Variants in ZBBX observed in about 807,000 individuals in gnomAD.
ZBBX encodes zinc finger B-box domain containing.
In ZBBX, 101 loss-of-function variants were observed where a neutral mutation model predicts 108.5. The observed-to-expected ratio is 0.93, with a 90% CI of 0.79 to 1.10. The LOEUF (loss-of-function observed/expected upper bound fraction) is 1.10, where lower values mean the gene tolerates loss of function less well. Among genes scored for constraint, ZBBX ranks in the 50% least tolerant of loss-of-function variants. The pLI is 0.00. For synonymous variants in ZBBX, 356 were observed against 323.4 expected (o/e 1.10, Z -1.08); for missense variants, 1,009 against 941.4 (o/e 1.07, Z -0.94).
At chr3:167,358,767 T>C (rs1744017287) in intron 8 of ZBBX, among the ~76,000 whole-genome samples, 1 of 151,478 alleles carries the variant, frequency 6.6e-6, no homozygotes, top group African/African-American at 2.4e-5. Context: ...AAACCCCATT[T>C]CTACTAAAAA....
chr3:167,237,923 C>T (rs906407056), downstream of ZBBX, among the ~76,000 whole-genome samples: 1 of 151,852 alleles, frequency 6.6e-6, no homozygotes, highest in Non-Finnish European at 1.5e-5. Flanking sequence ...TGGCTGAATA[C>T]ACAAGAGAAA....
the ZBBX span, among the ~76,000 whole-genome samples, chr3:167,219,517 T>C: frequency 2.0e-5 from 3 of 151,904 alleles, no homozygotes; most frequent in Non-Finnish European, 4.4e-5. Flanking sequence ...AAATGATATG[T>C]TCCTTAATTA....
intron 20 of ZBBX, among the ~76,000 whole-genome samples, chr3:167,261,973 G>A (rs1164631642): frequency 2.6e-5 from 4 of 152,118 alleles, no homozygotes; most frequent in African/African-American, 9.7e-5. Flanking sequence ...GATCCCTGTG[G>A]TGCAGGCAGG....
intron 20 of ZBBX, among the ~76,000 whole-genome samples, chr3:167,265,220 T>A (rs1294218528): frequency 6.6e-6 from 1 of 152,122 alleles, no homozygotes; most frequent in Non-Finnish European, 1.5e-5. Context: ...CATCTTAGAG[T>A]CCAAGGCCTG....
At position 167,328,086 on chromosome 3, in the gene ZBBX, G is replaced by GT. The variant is rs1560131786; in HGVS notation, c.717dup (p.Arg240ThrfsTer11). ...AACAGACTCTTTCTTGGTTTTGTAC[G>GT]TTGTGCTCTTTTCATCGTTGTAATT... On this transcript the variant is annotated frameshift_variant, in exon 11 of 22. Coordinates refer to ENST00000675490, the MANE Select transcript of ZBBX (RefSeq NM_001199201.2). LOFTEE classifies it high-confidence loss of function. The GT allele has an allele frequency of 6.2e-7, 1 of 1,613,048 alleles. No homozygotes were observed.
At chr3:167,213,919 T>G in the ZBBX span, among the ~76,000 whole-genome samples, 2 of 152,118 alleles carry the variant, frequency 1.3e-5, no homozygotes, top group Non-Finnish European at 2.9e-5. Context: ...CCAAGAATCT[T>G]ATATCCAGCC....
intron 1 of ZBBX, among the ~76,000 whole-genome samples, chr3:167,405,216 G>C (rs762390496): frequency 5.9e-5 from 9 of 152,168 alleles, no homozygotes; most frequent in Non-Finnish European, 1.0e-4. Context: ...CATCAGGAAA[G>C]AGGTCAGGTT....
chr3:167,343,469 A>G (rs1389149164), intron 9 of ZBBX, among the ~76,000 whole-genome samples: 1 of 151,756 alleles, frequency 6.6e-6, no homozygotes, highest in Non-Finnish European at 1.5e-5. Flanking sequence ...CCCCTTCCCT[A>G]GCTTTTCTTA....
intron 17 of ZBBX, among the ~76,000 whole-genome samples, chr3:167,303,741 A>G (rs1733117612): frequency 6.6e-6 from 1 of 152,220 alleles, no homozygotes. Context: ...GTTGCTGTGC[A>G]TGAGAATTTA....
At chr3:167,326,991 T>C (rs1577007321) in intron 11 of ZBBX, among the ~76,000 whole-genome samples, 1 of 151,900 alleles carries the variant, frequency 6.6e-6, no homozygotes, top group South Asian at 2.1e-4. Flanking sequence ...TGAAAAGCAA[T>C]TGGAAGACAC....
intron 1 of ZBBX, among the ~76,000 whole-genome samples, chr3:167,398,961 T>A (rs1385941301): frequency 1.3e-5 from 2 of 151,668 alleles, no homozygotes; most frequent in Non-Finnish European, 2.9e-5. Context: ...AACTGGTGGC[T>A]TTATAAGAAG....
At chr3:167,294,882 G>T (rs1230625787) in intron 18 of ZBBX, among the ~76,000 whole-genome samples, 1 of 152,036 alleles carries the variant, frequency 6.6e-6, no homozygotes, top group Non-Finnish European at 1.5e-5. Flanking sequence ...GTAGGCAAAG[G>T]ATATGACAGA....
intron 1 of ZBBX, chr3:167,392,660 A>C (rs572428171): frequency 6.6e-6 from 1 of 151,972 alleles, no homozygotes; most frequent in East Asian, 1.9e-4. Flanking sequence ...AAGGAGCTAG[A>C]GATATGGTCT....
intron 20 of ZBBX, among the ~76,000 whole-genome samples, chr3:167,265,235 G>A (rs1209344768): frequency 1.3e-5 from 2 of 152,184 alleles, no homozygotes; most frequent in Non-Finnish European, 2.9e-5. Flanking sequence ...GGCCTGTGGT[G>A]TACTCCCTTG....
At chr3:167,226,978 T>C in the ZBBX span, among the ~76,000 whole-genome samples, 2 of 151,784 alleles carry the variant, frequency 1.3e-5, no homozygotes, top group Non-Finnish European at 2.9e-5. Context: ...CAGGCAACAA[T>C]GGATATATGA....
At chr3:167,204,068 G>A in the ZBBX span, among the ~76,000 whole-genome samples, 4 of 152,122 alleles carry the variant, frequency 2.6e-5, no homozygotes, top group South Asian at 8.3e-4. Flanking sequence ...TTAGTTCAAG[G>A]AATTCAATTT....
chr3:167,230,665 G>A, the ZBBX span, among the ~76,000 whole-genome samples: 3 of 151,782 alleles, frequency 2.0e-5, no homozygotes. Context: ...GCAGGCAATG[G>A]TGCTCACAGC....
At chr3:167,251,684 A>C (rs1009191829) in intron 20 of ZBBX, among the ~76,000 whole-genome samples, 1 of 152,066 alleles carries the variant, frequency 6.6e-6, no homozygotes, top group African/African-American at 2.4e-5. Context: ...TAAATATAAT[A>C]TCTCATATAT....
chr3:167,315,849 A>G lies in ZBBX; in HGVS notation c.1195-20T>C. Reference sequence around the variant, plus strand: ...ATAAGTCTTATTAAATTAATGTTATATAATATTAGTAAGTTCATAAAAATT... The same window carrying G: ...ATAAGTCTTATTAAATTAATGTTATGTAATATTAGTAAGTTCATAAAAATT... On this transcript the variant is annotated intron_variant, in intron 14 of 21. Coordinates refer to ENST00000675490, the MANE Select transcript of ZBBX (RefSeq NM_001199201.2). 6.8e-7 allele frequency: 1 copy of G among 1,462,578 alleles called. No individual in the cohort carries two copies. Among genetic ancestry groups the G allele is most frequent in the Non-Finnish European group, 9.4e-7 (1 of 1,065,716 alleles). The allele number at this position is 1,462,578 out of a possible 1,614,324, so 90.6% of individuals were successfully genotyped here.
Sources: gnomAD v4.1 joint callset for allele counts (sites outside exome capture counted in the v4.1 genomes callset) on GRCh38, gnomAD v4.1.1 for gene constraint, MANE v1.5 for transcripts, NCBI Gene and HGNC (gene_info 2026-07-23, HGNC 2026-07-21) for gene names.